Variants in SH2D3C observed in about 807,000 individuals in gnomAD.
SH2D3C encodes the protein SH2 domain-containing protein 3C.
In SH2D3C, 25 loss-of-function variants were observed where a neutral mutation model predicts 75.2. That is an observed-to-expected ratio of 0.33 (90% CI 0.24 to 0.46). The LOEUF (loss-of-function observed/expected upper bound fraction) is 0.46. Ranked by LOEUF, SH2D3C falls within the 20% of genes least tolerant of loss-of-function variation. SH2D3C has a pLI of 1.00. For missense variants in SH2D3C, 933 were observed against 1,165.3 expected (o/e 0.80, Z 2.90); for synonymous variants, 450 against 473.7 (o/e 0.95, Z 0.65).
chr9:127,774,676 T>A lies in SH2D3C; in HGVS notation c.38-209A>T, dbSNP rs74412336. ...GGGCCCTGGACTTGAATTCCTGCTC[T>A]TTCACATCCTAGCTGTGTGACCTTA... On this transcript the variant is annotated intron_variant, in intron 1 of 11. Coordinates refer to ENST00000314830, the MANE Select transcript of SH2D3C (RefSeq NM_170600.3). This position sits in a 1 kb window ranked among gnomAD's most constrained non-coding sequence, Gnocchi z 4.3. Among the ~76,000 whole-genome samples, 1 of 152,182 alleles carries A rather than the reference T, an allele frequency of 6.6e-6. No homozygotes were observed. The highest frequency in any genetic ancestry group is 2.4e-5 in the African/African-American group (1 of 41,446).
intron 9 of SH2D3C, among the ~76,000 whole-genome samples, chr9:127,741,096 T>C (rs745930750): frequency 6.6e-6 from 1 of 152,208 alleles, no homozygotes; most frequent in Non-Finnish European, 1.5e-5. Context: ...GACTGCTCTG[T>C]CTCAAACACT....
intron 2 of SH2D3C, among the ~76,000 whole-genome samples, chr9:127,771,822 C>T (rs900191610): frequency 6.6e-6 from 1 of 152,206 alleles, no homozygotes; most frequent in African/African-American, 2.4e-5. Context: ...AGAAGGCAGC[C>T]GGGGATGGTG....
chr9:127,744,641 G>A lies in SH2D3C; in HGVS notation c.1723C>T (p.Leu575=). 2 of 1,614,210 alleles carry A rather than the reference G, an allele frequency of 1.2e-6. No individual in the cohort carries two copies. The highest frequency in any genetic ancestry group is 1.7e-6 in the Non-Finnish European group (2 of 1,180,008). The change falls in exon 7 of 12, where the codon CTG becomes TTG. Residue 575 remains leucine (L), a synonymous_variant. Coordinates refer to ENST00000314830, the MANE Select transcript of SH2D3C (RefSeq NM_170600.3). ...RDNRPLEVGL[L]RKVKELLAEV... is the part of the protein sequence containing the mutation. ...GCCAGCAGCTCCTTGACCTTGCGCA[G>A]AAGGCCCACCTCCAGTGGCCGGTTA...
At chr9:127,771,390 C>A (rs978266395) in intron 2 of SH2D3C, 4 of 1,328,130 alleles carry the variant, frequency 3.0e-6, no homozygotes, top group Non-Finnish European at 3.8e-6. Context: ...CCTTGCCCGG[C>A]CCCACTCCAC....
chr9:127,761,130 C>T (rs1296714869), intron 3 of SH2D3C, among the ~76,000 whole-genome samples: 2 of 152,158 alleles, frequency 1.3e-5, no homozygotes, highest in Non-Finnish European at 2.9e-5. Flanking sequence ...CATGAGCCAC[C>T]GTGCCCGGCC....
chr9:127,762,339 C>T (rs1845549069), intron 2 of SH2D3C: 2 of 1,302,958 alleles, frequency 1.5e-6, no homozygotes, highest in Non-Finnish European at 2.0e-6. Flanking sequence ...CTACCCCTAC[C>T]CTCAGGCAGC....
chr9:127,762,369 C>T (rs1845549893), intron 2 of SH2D3C: 1 of 1,292,544 alleles, frequency 7.7e-7, no homozygotes, highest in African/African-American at 1.5e-5. Flanking sequence ...CCCCTCCAAC[C>T]CCAGACTTGG....
chr9:127,757,272 AT>A (rs60217641), intron 3 of SH2D3C, among the ~76,000 whole-genome samples: 42,310 of 138,406 alleles, frequency 0.31, 6,923 homozygotes, highest in East Asian at 0.58. Flanking sequence ...CCCTCATTTG[AT>A]TTTTTTTTTT....
Position 127,751,087 on chromosome 9 carries a change from C to A in SH2D3C, c.684+85G>T, listed in dbSNP as rs1165127636. On this transcript the variant is annotated intron_variant, in intron 4 of 11. Transcript: ENST00000314830. The surrounding 1 kb of genome is among the most constrained non-coding windows in gnomAD (Gnocchi z 4.1). ...CCACCAAGCAACAGGTCAGAGCCTCCCAGGTGGCTGCAGCCAGGGCTGGGG... is the reference window on the plus strand; with the variant it reads ...CCACCAAGCAACAGGTCAGAGCCTCACAGGTGGCTGCAGCCAGGGCTGGGG... 7.9e-6 allele frequency: 11 copies of A among 1,386,454 alleles called. No homozygotes were observed. Among genetic ancestry groups the A allele is most frequent in the Non-Finnish European group, 1.1e-5 (11 of 987,300 alleles). The allele number at this position is 1,386,454 out of a possible 1,614,324, so 85.9% of individuals were successfully genotyped here.
chr9:127,742,990 T>A, intron 7 of SH2D3C, 26 bp from the exon 8 acceptor site: 1 of 1,560,716 alleles, frequency 6.4e-7, no homozygotes, highest in Non-Finnish European at 8.8e-7. Flanking sequence ...GAGGGCTGAT[T>A]AATATCCTGT....
Position 127,738,522 on chromosome 9 carries a change from G to A in SH2D3C, c.*224C>T. On this transcript the variant is annotated 3_prime_UTR_variant, in exon 12 of 12. Transcript: ENST00000314830. The surrounding 1 kb of genome is among the most constrained non-coding windows in gnomAD (Gnocchi z 5.0). Reference sequence around the variant, plus strand: ...AGGGGAGCAGCAAAAGCTGGTGGGGGAACCGGCGTTCCTGTTCTTCCTCAA... The same window carrying A: ...AGGGGAGCAGCAAAAGCTGGTGGGGAAACCGGCGTTCCTGTTCTTCCTCAA... The A allele has an allele frequency of 2.5e-6, 1 of 398,216 alleles. No individual in the cohort carries two copies. The highest frequency in any genetic ancestry group is 4.4e-6 in the Non-Finnish European group (1 of 225,640). The allele number at this position is 398,216 out of a possible 1,614,324, so 24.7% of individuals were successfully genotyped here. A position where few individuals can be genotyped will look rare whatever the true frequency, so the allele number is the denominator to read the frequency against.
At chr9:127,762,328 G>GCTA in intron 2 of SH2D3C, 1 of 1,299,708 alleles carries the variant, frequency 7.7e-7, no homozygotes, top group East Asian at 5.6e-5. Flanking sequence ...GGCCTTAAAT[G>GCTA]CTACCCCTAC....
At chr9:127,762,332 C>A in intron 2 of SH2D3C, 1 of 1,302,128 alleles carries the variant, frequency 7.7e-7, no homozygotes, top group Non-Finnish European at 1.0e-6. Context: ...TTAAATGCTA[C>A]CCCTACCCTC....
At chr9:127,773,811 G>GT (rs1845770416) in intron 2 of SH2D3C, among the ~76,000 whole-genome samples, 179 bp downstream of exon 2, 2 of 151,982 alleles carry the variant, frequency 1.3e-5, no homozygotes, top group African/African-American at 2.4e-5. Flanking sequence ...CCAGCTACTC[G>GT]GGGGGCTGAG....
chr9:127,771,593 C>T (rs570425665), intron 2 of SH2D3C, among the ~76,000 whole-genome samples: 3 of 152,322 alleles, frequency 2.0e-5, no homozygotes, highest in South Asian at 2.1e-4. Flanking sequence ...TAGGCCACGC[C>T]CCTAGACACG....
rs537851070 is a variant in SH2D3C at position 127,771,530 on chromosome 9, G to T, written c.515+2460C>A. On this transcript the variant is annotated intron_variant, in intron 2 of 11. Coordinates refer to ENST00000314830, the MANE Select transcript of SH2D3C (RefSeq NM_170600.3). ...GCCCCCTAGCACACCCCTCCGCCTC[G>T]CCCGCCCGGCTCCAACGCTCGCTTC... 2.1e-5 allele frequency: 9 copies of T among 424,222 alleles called. No homozygotes were observed. In the South Asian group the frequency reaches 5.1e-4, roughly 24 times the overall value. The allele number at this position is 424,222 out of a possible 1,614,324, so 26.3% of individuals were successfully genotyped here.
In SH2D3C at chr9:127,774,175, A is replaced by C. The variant is rs1475350439; in HGVS notation, c.330T>G (p.Gly110=). ...AGPKPNLVPG[G]VPDPPGLEAA... Reference sequence around the variant, plus strand: ...CCTCCAAGCCTGGGGGGTCGGGTACACCTCCGGGTACCAAGTTGGGCTTGG... The same window carrying C: ...CCTCCAAGCCTGGGGGGTCGGGTACCCCTCCGGGTACCAAGTTGGGCTTGG... Residue 110 remains glycine, a synonymous_variant, in exon 2 of 12, where the codon GGT becomes GGG. Transcript: ENST00000314830. The surrounding 1 kb of genome is among the most constrained non-coding windows in gnomAD (Gnocchi z 4.3). 1 of 1,613,630 alleles carries C rather than the reference A, an allele frequency of 6.2e-7. No individual in the cohort carries two copies. Among genetic ancestry groups the C allele is most frequent in the South Asian group, 1.1e-5 (1 of 91,036 alleles).
intron 2 of SH2D3C, chr9:127,771,248 G>T: frequency 6.5e-7 from 1 of 1,542,684 alleles, no homozygotes; most frequent in Non-Finnish European, 8.7e-7. Context: ...CGCTGTCGCC[G>T]CCGGCAACCC....
Position 127,738,895 on chromosome 9 carries a change from C to T in SH2D3C, c.2434G>A (p.Glu812Lys). Reference protein sequence around the residue: ...QGFQARPELLEVFSTEFQMRL... With the variant: ...QGFQARPELLKVFSTEFQMRL... ...ATCTGGAACTCCGTGCTGAACACCT[C>T]CAGGAGCTCCGGCCGGGCCTGGAAC... The change falls in exon 12 of 12, where the codon GAG becomes AAG. Residue 812 changes from glutamate (E) to lysine (K), a missense_variant. Glu to Lys is a moderately conservative substitution (Grantham distance 56). Coordinates refer to ENST00000314830, the MANE Select transcript of SH2D3C (RefSeq NM_170600.3). The surrounding 1 kb of genome is among the most constrained non-coding windows in gnomAD (Gnocchi z 5.0). 2 of 1,591,574 alleles carry T rather than the reference C, an allele frequency of 1.3e-6. No homozygotes were observed. The highest frequency in any genetic ancestry group is 1.7e-6 in the Non-Finnish European group (2 of 1,168,820).
Sources: allele counts gnomAD v4.1 joint callset (sites outside exome capture counted in the v4.1 genomes callset), GRCh38; gene constraint gnomAD v4.1.1; non-coding constraint Gnocchi (gnomAD v3.1); transcripts MANE v1.5; gene names NCBI Gene and HGNC (gene_info 2026-07-23, HGNC 2026-07-21).